The following SAFB variants were observed in gnomAD, a reference collection of about 807,000 sequenced individuals.
SAFB encodes scaffold attachment factor B, also known as scaffold attachment factor B1.
SAFB carries 15 observed loss-of-function variants against 101.6 expected under a neutral mutation model. The ratio of observed to expected loss-of-function variants is 0.15; its 90% CI spans 0.10 to 0.23. The LOEUF (loss-of-function observed/expected upper bound fraction) is 0.23, where lower values mean the gene tolerates loss of function less well. Ranked by LOEUF, SAFB falls within the 10% of genes least tolerant of loss-of-function variation. SAFB has a pLI of 1.00. For synonymous variants in SAFB, 449 were observed against 407.5 expected (o/e 1.10, Z -1.23); for missense variants, 930 against 1,104.1 (o/e 0.84, Z 2.23).
chr19:5,636,165 G>A (rs775346789), intron 2 of SAFB, among the ~76,000 whole-genome samples: 2 of 152,032 alleles, frequency 1.3e-5, no homozygotes, highest in Non-Finnish European at 2.9e-5. Flanking sequence ...GGTCATAGAA[G>A]TGGAAAACCC....
rs776298433 is a variant in SAFB, at chr19:5,667,135, C to T, written c.2424C>T (p.Ser808=). 1.1e-5 allele frequency: 17 copies of T among 1,607,606 alleles called. No homozygotes were observed. The highest frequency in any genetic ancestry group is 2.7e-5 in the African/African-American group (2 of 74,698). Residue 808 remains serine, a synonymous_variant, in exon 18 of 21, where the codon AGC becomes AGT. Coordinates refer to ENST00000588852, the MANE Select transcript of SAFB (RefSeq NM_001201338.2). The surrounding 1 kb of genome is among the most constrained non-coding windows in gnomAD (Gnocchi z 4.0). ...GCTATGGCTCTGACAAGAGGATGAG[C>T]GAGGGCCGGGGGCTGCCTCCTCCCC... ...WGGYGSDKRM[S]EGRGLPPPPR...
At chr19:5,639,835 G>GT (rs1568256785) in intron 2 of SAFB, among the ~76,000 whole-genome samples, 1 of 151,944 alleles carries the variant, frequency 6.6e-6, no homozygotes, top group Non-Finnish European at 1.5e-5. Context: ...TGTTTTGTTT[G>GT]TTTGTTTTGT....
chr19:5,661,162 C>A (rs1001682650), intron 14 of SAFB, among the ~76,000 whole-genome samples: 1 of 151,952 alleles, frequency 6.6e-6, no homozygotes, highest in African/African-American at 2.4e-5. Context: ...ACCTCATGAT[C>A]CACCCACCTC....
intron 2 of SAFB, among the ~76,000 whole-genome samples, chr19:5,638,367 A>G (rs1599333198): frequency 6.6e-6 from 1 of 152,024 alleles, no homozygotes; most frequent in South Asian, 2.1e-4. Flanking sequence ...CACCCACACC[A>G]GAGTGCAGTG....
chr19:5,642,050 C>T, intron 4 of SAFB, 104 bp downstream of exon 4: 1 of 917,342 alleles, frequency 1.1e-6, no homozygotes, highest in African/African-American at 1.6e-5. Context: ...TCTGTAATGC[C>T]AGTTCAGTAG....
chr19:5,628,588 A>C (rs1301414331), intron 2 of SAFB, among the ~76,000 whole-genome samples: 1 of 152,176 alleles, frequency 6.6e-6, no homozygotes, highest in Non-Finnish European at 1.5e-5. Context: ...GGGTTGCCCA[A>C]CCTGTAATTG....
intron 15 of SAFB, among the ~76,000 whole-genome samples, chr19:5,662,040 T>C (rs2054221898): frequency 6.6e-6 from 1 of 151,900 alleles, no homozygotes; most frequent in Admixed American, 6.6e-5. Context: ...GTTTGCCACC[T>C]CTCCCGGCTA....
At chr19:5,632,092 G>A (rs1378239916) in intron 2 of SAFB, among the ~76,000 whole-genome samples, 2 of 152,124 alleles carry the variant, frequency 1.3e-5, no homozygotes, top group African/African-American at 2.4e-5. Flanking sequence ...TATTTGTAGT[G>A]TCATCACAAA....
Position 5,642,651 on chromosome 19 carries a change from CTTTTTTTTTTTTT to C in SAFB, c.546+719_546+731del, listed in dbSNP as rs767488519. ...GGCATTGGCATTATGCCCTTCCTTTCTTTTTTTTTTTTTTTTTTTTTTTTTTCTGAGACAGAGT... is the reference window on the plus strand; with the variant it reads ...GGCATTGGCATTATGCCCTTCCTTTCTTTTTTTTTTTTTCTGAGACAGAGT... On this transcript the variant is annotated intron_variant, in intron 4 of 20. Transcript: ENST00000588852. Among the ~76,000 whole-genome samples, 35 of 70,852 alleles carry C rather than the reference CTTTTTTTTTTTTT, an allele frequency of 4.9e-4. 1 individual carries two copies. The highest frequency in any genetic ancestry group is 4.5e-4 in the Admixed American group (2 of 4,444). 46.5% of individuals were successfully genotyped at this position (70,852 alleles called of 152,430 possible).
chr19:5,624,858 G>A (rs2053320208), intron 1 of SAFB, among the ~76,000 whole-genome samples: 1 of 152,134 alleles, frequency 6.6e-6, no homozygotes, highest in Admixed American at 6.5e-5. Context: ...TTTACCCAGA[G>A]AAAATGCAGA....
In SAFB at chr19:5,661,582, G is replaced by A; in HGVS notation, c.1927G>A (p.Glu643Lys). Residue 643 changes from glutamate (E) to lysine (K), a missense_variant, in exon 15 of 21, where the codon GAG becomes AAG. This residue lies in a region of SAFB where 159 missense variants were observed against 234.1 expected (regional missense o/e 0.68). Coordinates refer to ENST00000588852, the MANE Select transcript of SAFB (RefSeq NM_001201338.2). ...MQAQWEREER[E>K]RLEIARERLA... ...GGCGCAGTGGGAGCGCGAGGAGCGT[G>A]AGCGGCTGGAGATTGCCCGAGAGAG... 1 of 1,612,892 alleles carries A rather than the reference G, an allele frequency of 6.2e-7. No homozygotes were observed. Among genetic ancestry groups the A allele is most frequent in the African/African-American group, 1.3e-5 (1 of 75,020 alleles).
At chr19:5,666,974 T>A (rs1418636400) in intron 17 of SAFB, 72 bp from the exon 18 acceptor site, 70 of 910,138 alleles carry the variant, frequency 7.7e-5, no homozygotes, top group Non-Finnish European at 1.9e-6. Context: ...GTTAGCATGT[T>A]GCCTGAAAAG....
Position 5,649,912 on chromosome 19 carries a change from T to C in SAFB, c.1149-14T>C. On this transcript the variant is annotated splice_polypyrimidine_tract_variant and intron_variant, in intron 7 of 20. Transcript: ENST00000588852. ...GCTGCTTCCTTGTGGAGTGACATTG[T>C]CTTTTGTCTCTAGTTCTCCCGAAGA... 3.1e-6 allele frequency: 5 copies of C among 1,612,168 alleles called. No individual in the cohort carries two copies. The highest frequency in any genetic ancestry group is 4.2e-6 in the Non-Finnish European group (5 of 1,178,150).
chr19:5,640,358 CTTTTTTTTT>C, intron 2 of SAFB, among the ~76,000 whole-genome samples: 1 of 91,538 alleles, frequency 1.1e-5, no homozygotes, highest in Non-Finnish European at 2.0e-5. Flanking sequence ...GAAAGATTGG[CTTTTTTTTT>C]TTTTTTTTTT....
chr19:5,648,352 T>G (rs972493968), intron 6 of SAFB: 2 of 387,202 alleles, frequency 5.2e-6, no homozygotes, highest in Non-Finnish European at 9.2e-6. Context: ...TCTTGAGAGC[T>G]AATACCTCTG....
chr19:5,658,159 G>A (rs183799194), intron 14 of SAFB, among the ~76,000 whole-genome samples: 11 of 151,748 alleles, frequency 7.2e-5, no homozygotes, highest in African/African-American at 2.4e-4. Context: ...CACCACACCC[G>A]GCTCATTTTT....
At chr19:5,647,982 T>C (rs961585725) in intron 5 of SAFB, 34 bp from the exon 6 acceptor site, 4 of 1,594,046 alleles carry the variant, frequency 2.5e-6, no homozygotes, top group Non-Finnish European at 2.6e-6. Flanking sequence ...GTGTCATTCA[T>C]CTGGCACAGT....
chr19:5,632,066 A>G (rs1029231906), intron 2 of SAFB, among the ~76,000 whole-genome samples: 2 of 152,160 alleles, frequency 1.3e-5, no homozygotes, highest in Non-Finnish European at 2.9e-5. Context: ...TAAAATAATT[A>G]CCAGGAAACT....
intron 7 of SAFB, 159 bp from the exon 8 acceptor site, chr19:5,649,767 C>A: frequency 1.2e-6 from 1 of 822,906 alleles, no homozygotes; most frequent in South Asian, 1.7e-5. Context: ...GGTCTGAAAT[C>A]TTATGGTTAG....
Sources: allele counts gnomAD v4.1 joint callset (sites outside exome capture counted in the v4.1 genomes callset), GRCh38; gene constraint gnomAD v4.1.1; regional missense constraint gnomAD v4.1.1; non-coding constraint Gnocchi (gnomAD v3.1); transcripts MANE v1.5; gene names NCBI Gene and HGNC (gene_info 2026-07-23, HGNC 2026-07-21).